Variants in ABCA13 observed in about 807,000 individuals in gnomAD.
ABCA13 encodes the protein ATP binding cassette subfamily A member 13.
A neutral mutation model predicts 478.7 loss-of-function variants in ABCA13; 476 were observed. The observed-to-expected ratio is 0.99, with a 90% CI of 0.92 to 1.07. The LOEUF (loss-of-function observed/expected upper bound fraction) is 1.07, where lower values mean the gene tolerates loss of function less well. ABCA13 is among the 50% of genes least tolerant of loss of function. ABCA13 has a pLI of 0.00. For synonymous variants in ABCA13, 2,252 were observed against 2,158.9 expected (o/e 1.04, Z -1.20); for missense variants, 6,060 against 5,910.6 (o/e 1.03, Z -0.83).
chr7:48,403,914 A>G (rs894779959), intron 39 of ABCA13, 35 bp downstream of exon 39: 3 of 1,590,590 alleles, frequency 1.9e-6, no homozygotes, highest in Middle Eastern at 1.7e-4. Flanking sequence ...TTCTCTTCCC[A>G]CAATATTGTG....
chr7:48,406,091 G>A (rs775617985), intron 39 of ABCA13, among the ~76,000 whole-genome samples: 9 of 152,144 alleles, frequency 5.9e-5, no homozygotes, highest in Non-Finnish European at 8.8e-5. Context: ...CTCTTCTGTC[G>A]GAATACCAGT....
intron 55 of ABCA13, among the ~76,000 whole-genome samples, chr7:48,551,531 T>C (rs972458729): frequency 1.2e-4 from 18 of 151,838 alleles, no homozygotes; most frequent in African/African-American, 4.3e-4. Flanking sequence ...TCAGTCTTGA[T>C]AATGTTCTTT....
intron 28 of ABCA13, among the ~76,000 whole-genome samples, chr7:48,336,520 T>G (rs1464563568): frequency 6.6e-6 from 1 of 151,978 alleles, no homozygotes; most frequent in Non-Finnish European, 1.5e-5. Flanking sequence ...TTAATGGAAA[T>G]CAGATAAGGC....
intron 5 of ABCA13, among the ~76,000 whole-genome samples, chr7:48,224,339 C>T (rs991789794): frequency 3.9e-5 from 6 of 152,142 alleles, no homozygotes; most frequent in African/African-American, 1.4e-4. Context: ...TCCCTTGTTC[C>T]AGGAAACATC....
intron 17 of ABCA13, among the ~76,000 whole-genome samples, chr7:48,277,805 G>A (rs2128767759): frequency 6.6e-6 from 1 of 152,250 alleles, no homozygotes; most frequent in East Asian, 1.9e-4. Context: ...CTAAGTAAAA[G>A]CCCTTTTAAC....
intron 58 of ABCA13, among the ~76,000 whole-genome samples, chr7:48,602,364 A>G (rs537845182): frequency 1.3e-5 from 2 of 152,212 alleles, no homozygotes; most frequent in East Asian, 3.9e-4. Context: ...TAGGTCTTAC[A>G]TTTAAGTCTT....
chr7:48,473,692 A>G (rs1252896331), intron 45 of ABCA13, among the ~76,000 whole-genome samples: 1 of 152,152 alleles, frequency 6.6e-6, no homozygotes, highest in East Asian at 1.9e-4. Context: ...GCTGCTTAGA[A>G]ATGATTGCTT....
intron 32 of ABCA13, among the ~76,000 whole-genome samples, chr7:48,371,197 T>A (rs1812578654): frequency 6.6e-6 from 1 of 152,214 alleles, no homozygotes; most frequent in Non-Finnish European, 1.5e-5. Flanking sequence ...TAGTATAGTT[T>A]GAAGTCAGGT....
intron 3 of ABCA13, among the ~76,000 whole-genome samples, chr7:48,210,175 A>G (rs1027403602): frequency 8.5e-5 from 13 of 152,188 alleles, no homozygotes; most frequent in African/African-American, 3.1e-4. Context: ...ATCATGGTGG[A>G]AGGGGAAGCA....
chr7:48,352,689 A>G (rs984257073), intron 31 of ABCA13, among the ~76,000 whole-genome samples: 7 of 152,106 alleles, frequency 4.6e-5, no homozygotes, highest in Non-Finnish European at 8.8e-5. Flanking sequence ...TTGAGATAAT[A>G]CAATCAAGTG....
At chr7:48,410,019 G>A (rs910389077) in intron 39 of ABCA13, among the ~76,000 whole-genome samples, 4 of 149,366 alleles carry the variant, frequency 2.7e-5, no homozygotes, top group Non-Finnish European at 5.9e-5. Flanking sequence ...GCTTGAACCC[G>A]GGAGGTGGAG....
chr7:48,370,521 C>T (rs1204035470), intron 32 of ABCA13, among the ~76,000 whole-genome samples: 1 of 152,092 alleles, frequency 6.6e-6, no homozygotes. Flanking sequence ...ATAATGTTGG[C>T]TGTGGGTTTG....
chr7:48,506,525 C>A (rs1831224594), intron 49 of ABCA13, 135 bp downstream of exon 49: 1 of 947,332 alleles, frequency 1.1e-6, no homozygotes, highest in Non-Finnish European at 1.6e-6. Flanking sequence ...GAAATGCCCA[C>A]AGGACTTGGG....
intron 21 of ABCA13, among the ~76,000 whole-genome samples, chr7:48,296,982 C>T (rs1295895732): frequency 6.6e-6 from 1 of 152,108 alleles, no homozygotes; most frequent in African/African-American, 2.4e-5. Flanking sequence ...ATTATGCATC[C>T]TCATTCCCCT....
intron 59 of ABCA13, among the ~76,000 whole-genome samples, chr7:48,636,414 C>T (rs1794639897): frequency 6.6e-6 from 1 of 152,214 alleles, no homozygotes; most frequent in Non-Finnish European, 1.5e-5. Context: ...TGTCTTGATT[C>T]ACTTTCATAA....
chr7:48,182,095 C>T (rs1297920834), intron 1 of ABCA13, among the ~76,000 whole-genome samples: 1 of 152,134 alleles, frequency 6.6e-6, no homozygotes, highest in Non-Finnish European at 1.5e-5. Context: ...AGTACCTGCA[C>T]TCAGCCATGG....
chr7:48,267,493 C>T (rs1795023389), intron 15 of ABCA13, among the ~76,000 whole-genome samples: 2 of 152,038 alleles, frequency 1.3e-5, no homozygotes, highest in Non-Finnish European at 2.9e-5. Context: ...CATCCTTTTA[C>T]TTGTAACTTA....
Position 48,524,449 on chromosome 7 carries a change from G to A in ABCA13, c.14244+9G>A, listed in dbSNP as rs772977806. 8.8e-6 allele frequency: 14 copies of A among 1,596,398 alleles called. No homozygotes were observed. In the African/African-American group the frequency reaches 1.6e-4, roughly 19 times the overall value. ...GCATACCAAAAGGAGAGGTAATGAA[G>A]CTTCTATTTTTAATCTTCTTCTGTT... On this transcript the variant is annotated intron_variant, in intron 54 of 61. Transcript: ENST00000435803.
chr7:48,383,516 G>A (rs367646028), intron 35 of ABCA13, among the ~76,000 whole-genome samples: 11 of 152,142 alleles, frequency 7.2e-5, no homozygotes, highest in African/African-American at 2.2e-4. Flanking sequence ...ATTTCCTTGC[G>A]TACACTCAAA....
Sources: allele counts gnomAD v4.1 joint callset (sites outside exome capture counted in the v4.1 genomes callset), GRCh38; gene constraint gnomAD v4.1.1; transcripts MANE v1.5; gene names NCBI Gene and HGNC (gene_info 2026-07-23, HGNC 2026-07-21).